The following MAPK10 variants were observed in gnomAD, a reference collection of about 807,000 sequenced individuals.
MAPK10 encodes mitogen-activated protein kinase 10, also known as JNK3 alpha protein kinase.
Under a neutral mutation model 59.3 loss-of-function variants are expected in MAPK10, and 25 were observed. The ratio of observed to expected loss-of-function variants is 0.42; its 90% CI spans 0.31 to 0.59. The LOEUF (loss-of-function observed/expected upper bound fraction) is 0.59. Among genes scored for constraint, MAPK10 ranks in the 20% least tolerant of loss-of-function variants. The probability of loss-of-function intolerance (pLI) is 0.15; values close to 1 mark genes in which losing one functional copy is unlikely to be tolerated. For missense variants in MAPK10, 351 were observed against 568.9 expected, an observed-to-expected ratio of 0.62 and a Z score of 3.90; for synonymous variants, 190 against 200.5, an observed-to-expected ratio of 0.95 and a Z score of 0.44.
At chr4:86,549,947 A>G (rs116641557) in intron 1 of MAPK10, among the ~76,000 whole-genome samples, 2,209 of 152,280 alleles carry the variant, frequency 0.015, 31 homozygotes, top group Middle Eastern at 0.027. Context: ...GGTTTCTAGG[A>G]ATTTTTCAGG....
chr4:86,136,815 G>A (rs936714420), intron 4 of MAPK10, among the ~76,000 whole-genome samples: 55 of 151,712 alleles, frequency 3.6e-4, no homozygotes, highest in Non-Finnish European at 3.4e-4. Flanking sequence ...ACACACATAG[G>A]CTCAAAATAA....
At chr4:86,400,210 C>G (rs963062232) in intron 1 of MAPK10, among the ~76,000 whole-genome samples, 1 of 152,128 alleles carries the variant, frequency 6.6e-6, no homozygotes, top group African/African-American at 2.4e-5. Context: ...CTGACAAAAG[C>G]TCACCTCTTC....
At chr4:86,232,617 C>A (rs2091730269) in intron 2 of MAPK10, among the ~76,000 whole-genome samples, 2 of 152,180 alleles carry the variant, frequency 1.3e-5, no homozygotes. Context: ...TCGTGATCCG[C>A]CTGCCTGGGC....
intron 4 of MAPK10, among the ~76,000 whole-genome samples, chr4:86,115,250 G>A (rs572027510): frequency 4.2e-4 from 64 of 152,274 alleles, no homozygotes; most frequent in African/African-American, 1.5e-3. Context: ...TCCCAGGCGG[G>A]GCAGCGCAGT....
intron 2 of MAPK10, among the ~76,000 whole-genome samples, chr4:86,352,886 A>T (rs1287461668): frequency 6.6e-6 from 1 of 152,186 alleles, no homozygotes; most frequent in Non-Finnish European, 1.5e-5. Context: ...TGTCTAAGAG[A>T]TCCTTCATGG....
intron 2 of MAPK10, among the ~76,000 whole-genome samples, chr4:86,276,295 T>C (rs2094573388): frequency 6.6e-6 from 1 of 152,144 alleles, no homozygotes; most frequent in Non-Finnish European, 1.5e-5. Context: ...ACTAGCTGTT[T>C]CAAATTAATT....
At chr4:86,339,462 T>G (rs998200866) in intron 2 of MAPK10, among the ~76,000 whole-genome samples, 4 of 152,206 alleles carry the variant, frequency 2.6e-5, no homozygotes, top group African/African-American at 9.6e-5. Context: ...TGAACCAGAT[T>G]TATCTGACCG....
At chr4:86,489,938 C>T (rs950842643) in intron 1 of MAPK10, among the ~76,000 whole-genome samples, 1 of 152,076 alleles carries the variant, frequency 6.6e-6, no homozygotes, top group African/African-American at 2.4e-5. Context: ...GTAGTCAGTC[C>T]CCCCATCTCC....
At chr4:86,100,576 G>A (rs184673916) in intron 8 of MAPK10, 100 of 152,568 alleles carry the variant, frequency 6.6e-4, no homozygotes, top group Admixed American at 1.2e-3. Flanking sequence ...TTATTTCAAA[G>A]TTGTCTATGA....
intron 10 of MAPK10, among the ~76,000 whole-genome samples, chr4:86,066,638 G>A (rs931263323): frequency 6.6e-6 from 1 of 151,638 alleles, no homozygotes; most frequent in Non-Finnish European, 1.5e-5. Context: ...GGTGGCGGGC[G>A]CCTGTAGTCC....
In MAPK10 at chr4:86,016,323, C is replaced by T. The variant is rs1410066091; in HGVS notation, c.*905G>A. 3.9e-5 allele frequency: 6 copies of T among 152,398 alleles called. No individual in the cohort carries two copies. The highest frequency in any genetic ancestry group is 7.3e-5 in the Non-Finnish European group (5 of 68,076). 9.4% of individuals were successfully genotyped at this position (152,398 alleles called of 1,614,324 possible). A position where few individuals can be genotyped will look rare whatever the true frequency, so the allele number is the denominator to read the frequency against. On this transcript the variant is annotated 3_prime_UTR_variant, in exon 14 of 14. Coordinates refer to ENST00000641462, the MANE Select transcript of MAPK10 (RefSeq NM_138982.4). ...TTTCAGTCTTAGTCCACACCACACA[C>T]TACCCTCCAGTCTCTCCTACTCTTT... is the stretch of plus-strand genomic sequence containing the variant.
chr4:86,573,877 T>G (rs549860196), intron 1 of MAPK10, among the ~76,000 whole-genome samples: 6 of 152,342 alleles, frequency 3.9e-5, no homozygotes, highest in African/African-American at 1.4e-4. Context: ...TCTAATTGTT[T>G]AATTACAAGT....
At chr4:86,180,600 G>A (rs2076717235) in intron 3 of MAPK10, among the ~76,000 whole-genome samples, 2 of 151,690 alleles carry the variant, frequency 1.3e-5, no homozygotes, top group South Asian at 2.1e-4. Context: ...TCAACCTTAG[G>A]TGTCCAACAA....
At chr4:86,540,117 C>G (rs112579608) in intron 1 of MAPK10, among the ~76,000 whole-genome samples, 74 of 152,264 alleles carry the variant, frequency 4.9e-4, no homozygotes, top group African/African-American at 1.6e-3. Context: ...GAGCCATTGT[C>G]TTTGGGAGAG....
intron 2 of MAPK10, among the ~76,000 whole-genome samples, chr4:86,243,642 T>C (rs2092894017): frequency 1.3e-5 from 2 of 152,112 alleles, no homozygotes. Context: ...CAGATTCCCA[T>C]GTGTTTCCTG....
intron 3 of MAPK10, among the ~76,000 whole-genome samples, chr4:86,178,429 A>G (rs1261967872): frequency 6.6e-6 from 1 of 152,022 alleles, no homozygotes; most frequent in Non-Finnish European, 1.5e-5. Flanking sequence ...ACTCCCTACC[A>G]TGATTGAGAG....
intron 2 of MAPK10, among the ~76,000 whole-genome samples, chr4:86,343,702 CA>C (rs1374265796): frequency 1.3e-5 from 2 of 151,926 alleles, no homozygotes; most frequent in Non-Finnish European, 2.9e-5. Flanking sequence ...CTCGTACTCT[CA>C]CAGGTATATG....
At chr4:86,537,374 A>G (rs1374463785) in intron 1 of MAPK10, among the ~76,000 whole-genome samples, 2 of 152,222 alleles carry the variant, frequency 1.3e-5, no homozygotes, top group Non-Finnish European at 2.9e-5. Context: ...AAGTGTGTGT[A>G]TGCAAATATC....
At chr4:86,402,892 T>A (rs1209866309) in intron 1 of MAPK10, among the ~76,000 whole-genome samples, 1 of 152,152 alleles carries the variant, frequency 6.6e-6, no homozygotes, top group South Asian at 2.1e-4. Flanking sequence ...TGGGCTCAAA[T>A]GCAACATTGG....
Sources: gnomAD v4.1 joint callset for allele counts (sites outside exome capture counted in the v4.1 genomes callset) on GRCh38, gnomAD v4.1.1 for gene constraint, MANE v1.5 for transcripts, NCBI Gene and HGNC (gene_info 2026-07-23, HGNC 2026-07-21) for gene names.